CEMIP: variants seen among roughly 807,000 people sequenced by gnomAD.
CEMIP encodes the protein cell migration-inducing and hyaluronan-binding protein.
In CEMIP, 105 loss-of-function variants were observed where a neutral mutation model predicts 156.9. That is an observed-to-expected ratio of 0.67 (90% CI 0.57 to 0.79). CEMIP has a LOEUF of 0.79. CEMIP is among the 30% of genes least tolerant of loss of function. CEMIP has a pLI of 0.00. For missense variants in CEMIP, 1,457 were observed against 1,769.4 expected (o/e 0.82, Z 3.17); for synonymous variants, 676 against 668.4 (o/e 1.01, Z -0.17).
rs917469627 is a variant in CEMIP, at chr15:80,929,044, G to A, written c.2482G>A (p.Gly828Ser). Residue 828 changes from glycine (G) to serine (S), a missense_variant, in exon 21 of 30, where the codon GGC becomes AGC. This residue lies in a region of CEMIP where 798 missense variants were observed against 980.1 expected (regional missense o/e 0.81). Transcript: ENST00000394685. ...ASGGTFPYDD[G>S]SKQEIKNSLF... The stretch of plus-strand genomic sequence containing the variant: ...TGGTGGAACCTTCCCGTATGACGAC[G>A]GCTCCAAGCAAGAGATAAAGAACAG... 5 of 1,614,062 alleles carry A rather than the reference G, an allele frequency of 3.1e-6. No homozygotes were observed. The highest frequency in any genetic ancestry group is 2.7e-5 in the African/African-American group (2 of 74,922).
intron 1 of CEMIP, among the ~76,000 whole-genome samples, chr15:80,841,255 C>T (rs916043183): frequency 6.6e-6 from 1 of 152,236 alleles, no homozygotes; most frequent in South Asian, 2.1e-4. Flanking sequence ...GACCTATACA[C>T]ATCTGCAGGC....
intron 1 of CEMIP, among the ~76,000 whole-genome samples, chr15:80,782,575 C>T (rs1429990126): frequency 6.6e-6 from 1 of 152,050 alleles, no homozygotes; most frequent in Non-Finnish European, 1.5e-5. Context: ...TGTATAGTAC[C>T]CAGTCTTCCA....
At chr15:80,893,929 C>G (rs1217085290) in intron 10 of CEMIP, among the ~76,000 whole-genome samples, 1 of 152,074 alleles carries the variant, frequency 6.6e-6, no homozygotes, top group Admixed American at 6.5e-5. Context: ...AGCTGCAGCC[C>G]TTGCTCTAAA....
intron 4 of CEMIP, among the ~76,000 whole-genome samples, chr15:80,879,152 C>T (rs112883629): frequency 9.8e-5 from 15 of 152,286 alleles, no homozygotes; most frequent in African/African-American, 2.6e-4. Flanking sequence ...GAATGCAGTA[C>T]ATGCAGTGAT....
chr15:80,937,794 G>A lies in CEMIP; in HGVS notation c.3222G>A (p.Lys1074=), dbSNP rs774886771. The part of the protein sequence containing the change: ...ELAIWLINFN[K]GDWIRVGLCY... Reference sequence around the variant, plus strand: ...AACCTGACTCTACTTCCAATCCTAGGGGCGACTGGATCCGAGTGGGGCTCT... The same window carrying A: ...AACCTGACTCTACTTCCAATCCTAGAGGCGACTGGATCCGAGTGGGGCTCT... The change falls in exon 25 of 30, where the codon AAG becomes AAA. Residue 1074 remains lysine (K), a splice_region_variant and synonymous_variant. Transcript: ENST00000394685. 1.4e-5 allele frequency: 23 copies of A among 1,614,100 alleles called. No homozygotes were observed. The highest frequency in any genetic ancestry group is 1.9e-5 in the Non-Finnish European group (22 of 1,179,970).
At chr15:80,815,500 A>G (rs1896770338) in intron 1 of CEMIP, among the ~76,000 whole-genome samples, 1 of 152,182 alleles carries the variant, frequency 6.6e-6, no homozygotes, top group Non-Finnish European at 1.5e-5. Flanking sequence ...TATATAGTAG[A>G]TATTCAATGG....
At chr15:80,798,786 A>G (rs1402977825) in intron 1 of CEMIP, among the ~76,000 whole-genome samples, 6 of 152,198 alleles carry the variant, frequency 3.9e-5, no homozygotes, top group Non-Finnish European at 5.9e-5. Flanking sequence ...TTTGAAAAAT[A>G]TGTAAAATAT....
intron 1 of CEMIP, among the ~76,000 whole-genome samples, chr15:80,824,893 G>C (rs1896995491): frequency 6.6e-6 from 1 of 152,204 alleles, no homozygotes; most frequent in African/African-American, 2.4e-5. Context: ...AGCTCAGAAA[G>C]TGATCTCGCA....
rs779331312 is a variant in CEMIP, at chr15:80,950,147, C to G, written c.*1223C>G. On this transcript the variant is annotated 3_prime_UTR_variant, in exon 30 of 30. Coordinates refer to ENST00000394685, the MANE Select transcript of CEMIP (RefSeq NM_001293298.2). ...TGAGCACAGGGGGCCTCCAGGAGAC[C>G]CTAGATGTGCTCGTACTCCCTCGGC... The G allele has an allele frequency of 2.0e-5, 3 of 152,252 alleles. No individual in the cohort carries two copies. The highest frequency in any genetic ancestry group is 7.2e-5 in the African/African-American group (3 of 41,456). The allele number at this position is 152,252 out of a possible 1,614,324, so 9.4% of individuals were successfully genotyped here. A position where few individuals can be genotyped will look rare whatever the true frequency, so the allele number is the denominator to read the frequency against.
chr15:80,926,842 T>TTTG lies in CEMIP; in HGVS notation c.2420+1089_2420+1090insGTT, dbSNP rs1231983051. On this transcript the variant is annotated intron_variant, in intron 19 of 29. Coordinates refer to ENST00000394685, the MANE Select transcript of CEMIP (RefSeq NM_001293298.2). ...GGTGGGGGGGGGGGGTCTTCTTTTT[T>TTTG]TTTTTTGAGATGGAGTCTTACTCTG... Among the ~76,000 whole-genome samples the TTTG allele has an allele frequency of 2.5e-3, 376 of 150,146 alleles. 3 individuals are homozygous for TTTG. The highest frequency in any genetic ancestry group is 8.4e-3 in the African/African-American group (337 of 40,288).
At chr15:80,780,655 C>T (rs546617964) in intron 1 of CEMIP, among the ~76,000 whole-genome samples, 221 of 152,350 alleles carry the variant, frequency 1.5e-3, no homozygotes, top group Non-Finnish European at 2.5e-3. Flanking sequence ...CAGTGCCTGG[C>T]TGCAGCCCCA....
intron 1 of CEMIP, among the ~76,000 whole-genome samples, chr15:80,788,159 G>A (rs964796335): frequency 6.6e-6 from 1 of 152,086 alleles, no homozygotes; most frequent in Non-Finnish European, 1.5e-5. Context: ...GAGCTAGTTT[G>A]GGTGAACCAT....
At chr15:80,814,455 G>A (rs903940040) in intron 1 of CEMIP, among the ~76,000 whole-genome samples, 1 of 152,130 alleles carries the variant, frequency 6.6e-6, no homozygotes, top group South Asian at 2.1e-4. Flanking sequence ...CAGCACATTG[G>A]TCATTGCTTT....
intron 28 of CEMIP, among the ~76,000 whole-genome samples, chr15:80,943,492 T>A (rs1333385802): frequency 6.6e-6 from 1 of 152,230 alleles, no homozygotes; most frequent in African/African-American, 2.4e-5. Flanking sequence ...CAACTGCTAC[T>A]TGGACAACGC....
intron 14 of CEMIP, among the ~76,000 whole-genome samples, chr15:80,916,788 TTG>T (rs5814040): frequency 0.73 from 111,083 of 151,858 alleles, 43,895 homozygotes; most frequent in Non-Finnish European, 0.87. Flanking sequence ...GCTGAGTAAC[TTG>T]TGTCTTCTAC....
chr15:80,935,842 G>A (rs1033448288), intron 23 of CEMIP, among the ~76,000 whole-genome samples: 7 of 152,134 alleles, frequency 4.6e-5, no homozygotes, highest in Non-Finnish European at 1.0e-4. Flanking sequence ...AGGTTCAAGC[G>A]ATTCTCCTGC....
At chr15:80,835,721 G>A (rs914573630) in intron 1 of CEMIP, among the ~76,000 whole-genome samples, 1 of 152,162 alleles carries the variant, frequency 6.6e-6, no homozygotes, top group South Asian at 2.1e-4. Flanking sequence ...TGGGCACCTG[G>A]GATTTCTTAG....
At chr15:80,814,206 G>A (rs1017987221) in intron 1 of CEMIP, among the ~76,000 whole-genome samples, 4 of 151,908 alleles carry the variant, frequency 2.6e-5, no homozygotes, top group Admixed American at 6.6e-5. Context: ...CCGCCACCAC[G>A]CCTGGCTAAT....
At chr15:80,938,136 T>C (rs1014750864) in intron 25 of CEMIP, 157 bp downstream of exon 25, 35 of 645,278 alleles carry the variant, frequency 5.4e-5, no homozygotes, top group African/African-American at 4.2e-4. Context: ...TCCCATACAT[T>C]AACGACATTT....
Sources: allele counts gnomAD v4.1 joint callset (sites outside exome capture counted in the v4.1 genomes callset), GRCh38; gene constraint gnomAD v4.1.1; regional missense constraint gnomAD v4.1.1; transcripts MANE v1.5; gene names NCBI Gene and HGNC (gene_info 2026-07-23, HGNC 2026-07-21).